Variants in GALNT13 observed in about 807,000 individuals in gnomAD.
GALNT13 encodes UDP-GalNAc:polypeptide N-acetylgalactosaminyltransferase 13.
GALNT13 carries 28 observed loss-of-function variants against 64.2 expected under a neutral mutation model. The observed-to-expected ratio is 0.44, with a 90% CI of 0.32 to 0.60. The LOEUF is 0.60. GALNT13 is among the 20% of genes least tolerant of loss of function. The pLI is 0.05. For missense variants in GALNT13, 577 were observed against 669.8 expected (o/e 0.86, Z 1.53); for synonymous variants, 214 against 224.6 (o/e 0.95, Z 0.42).
At chr2:153,973,872 A>C (rs1397294748) in intron 3 of GALNT13, among the ~76,000 whole-genome samples, 2 of 152,038 alleles carry the variant, frequency 1.3e-5, no homozygotes, top group Non-Finnish European at 2.9e-5. Flanking sequence ...TACCAAGTGA[A>C]ATACAGTGTC....
intron 3 of GALNT13, among the ~76,000 whole-genome samples, chr2:154,079,531 G>T (rs1701163242): frequency 6.6e-6 from 1 of 151,552 alleles, no homozygotes; most frequent in Non-Finnish European, 1.5e-5. Context: ...GACCACACAG[G>T]CACCTTGGAG....
chr2:153,176,522 A>G, the GALNT13 span, among the ~76,000 whole-genome samples: 1 of 149,202 alleles, frequency 6.7e-6, no homozygotes, highest in East Asian at 1.9e-4. Context: ...TTAAGAATGC[A>G]TTGGATTGGC....
the GALNT13 span, among the ~76,000 whole-genome samples, chr2:153,217,713 C>A: frequency 1.0e-3 from 152 of 152,102 alleles, no homozygotes; most frequent in Middle Eastern, 0.01. Context: ...ATCCTTCTTA[C>A]CCTACATGTT....
the GALNT13 span, among the ~76,000 whole-genome samples, chr2:153,181,639 AATTAT>A: frequency 4.8e-5 from 7 of 146,450 alleles, no homozygotes; most frequent in African/African-American, 1.2e-4. Context: ...ATATTTATAT[AATTAT>A]ATTATATATT....
At chr2:153,569,587 G>A in the GALNT13 span, among the ~76,000 whole-genome samples, 1 of 151,314 alleles carries the variant, frequency 6.6e-6, no homozygotes. Context: ...TATTTATGGG[G>A]TACATGAGAT....
chr2:154,098,018 G>T (rs759027419), intron 3 of GALNT13, among the ~76,000 whole-genome samples: 7 of 151,804 alleles, frequency 4.6e-5, no homozygotes, highest in Non-Finnish European at 8.8e-5. Flanking sequence ...CCAAACTCTG[G>T]AGTCTCCCTT....
chr2:153,811,162 T>G, the GALNT13 span, among the ~76,000 whole-genome samples: 1 of 152,270 alleles, frequency 6.6e-6, no homozygotes. Context: ...TTCAGAAAGG[T>G]TAGAAATACC....
chr2:153,224,682 T>G, the GALNT13 span, among the ~76,000 whole-genome samples: 29 of 152,342 alleles, frequency 1.9e-4, no homozygotes, highest in Non-Finnish European at 3.5e-4. Context: ...CTATAGATTC[T>G]GCAGACGTTT....
chr2:153,798,569 A>G, the GALNT13 span, among the ~76,000 whole-genome samples: 1 of 152,174 alleles, frequency 6.6e-6, no homozygotes, highest in Admixed American at 6.6e-5. Flanking sequence ...TAACAGGTAC[A>G]GCATAAAAAT....
chr2:153,166,984 A>C, the GALNT13 span, among the ~76,000 whole-genome samples: 1 of 152,210 alleles, frequency 6.6e-6, no homozygotes, highest in Non-Finnish European at 1.5e-5. Flanking sequence ...GCTCTGACTG[A>C]GACCTTGATT....
At chr2:153,418,186 C>T in the GALNT13 span, among the ~76,000 whole-genome samples, 1 of 152,040 alleles carries the variant, frequency 6.6e-6, no homozygotes, top group Non-Finnish European at 1.5e-5. Flanking sequence ...ATGACAGAAG[C>T]AGAGGTCAGT....
At chr2:154,178,238 G>A (rs949832592) in intron 4 of GALNT13, among the ~76,000 whole-genome samples, 1 of 152,120 alleles carries the variant, frequency 6.6e-6, no homozygotes, top group African/African-American at 2.4e-5. Context: ...GAATCACCAG[G>A]CTATGCCAAA....
At chr2:154,034,368 G>A (rs1698529432) in intron 3 of GALNT13, among the ~76,000 whole-genome samples, 1 of 152,090 alleles carries the variant, frequency 6.6e-6, no homozygotes, top group African/African-American at 2.4e-5. Context: ...AAAATATCAT[G>A]TAAATAAAAT....
At chr2:153,144,751 A>G in the GALNT13 span, among the ~76,000 whole-genome samples, 1 of 151,914 alleles carries the variant, frequency 6.6e-6, no homozygotes, top group Non-Finnish European at 1.5e-5. Flanking sequence ...AAAAGCAGTA[A>G]TTAAGGCAAT....
At chr2:154,344,694 C>T (rs1695969446) in intron 9 of GALNT13, among the ~76,000 whole-genome samples, 1 of 151,992 alleles carries the variant, frequency 6.6e-6, no homozygotes, top group Admixed American at 6.6e-5. Context: ...TCTTGCAATA[C>T]TACCACCCCC....
intron 3 of GALNT13, among the ~76,000 whole-genome samples, chr2:154,026,769 C>T (rs1697995704): frequency 1.3e-5 from 2 of 152,202 alleles, no homozygotes; most frequent in South Asian, 2.1e-4. Context: ...AGAGCTTCAA[C>T]CTATGAATGA....
At chr2:153,338,093 C>A in the GALNT13 span, among the ~76,000 whole-genome samples, 1 of 152,008 alleles carries the variant, frequency 6.6e-6, no homozygotes, top group African/African-American at 2.4e-5. Flanking sequence ...GAGTTCAAGA[C>A]CACCCTGGGC....
chr2:153,501,456 C>T, the GALNT13 span, among the ~76,000 whole-genome samples: 1 of 152,158 alleles, frequency 6.6e-6, no homozygotes, highest in Admixed American at 6.5e-5. Context: ...CTCAGCCCTC[C>T]TGGTAGCCAG....
chr2:153,615,840 C>T, the GALNT13 span, among the ~76,000 whole-genome samples: 13 of 151,376 alleles, frequency 8.6e-5, no homozygotes, highest in African/African-American at 3.2e-4. Context: ...GTTATTAATC[C>T]CTTGTCAGGT....
Sources: allele counts gnomAD v4.1 joint callset (sites outside exome capture counted in the v4.1 genomes callset), GRCh38; gene constraint gnomAD v4.1.1; transcripts MANE v1.5; gene names NCBI Gene and HGNC (gene_info 2026-07-23, HGNC 2026-07-21).